Variants in KHDC1 observed in about 807,000 individuals in gnomAD.
KHDC1 encodes KH domain containing 1, also known as KH homology domain-containing protein 1.
A neutral mutation model predicts 24.7 loss-of-function variants in KHDC1; 21 were observed. The observed-to-expected ratio is 0.85, with a 90% CI of 0.60 to 1.23. The LOEUF (loss-of-function observed/expected upper bound fraction) is 1.23, where lower values mean the gene tolerates loss of function less well. Ranked by LOEUF, KHDC1 falls within the 50% of genes most tolerant of loss-of-function variation. KHDC1 has a pLI of 0.00. For missense variants in KHDC1, 274 were observed against 298.5 expected, an observed-to-expected ratio of 0.92 and a Z score of 0.61; for synonymous variants, 98 against 111.7, an observed-to-expected ratio of 0.88 and a Z score of 0.77.
At chr6:73,265,524 G>A (rs1394595051) in intron 2 of KHDC1, among the ~76,000 whole-genome samples, 8 of 72,012 alleles carry the variant, frequency 1.1e-4, no homozygotes, top group African/African-American at 2.8e-4. Flanking sequence ...GCGAGACTCC[G>A]TCTCAAAAAA....
intron 1 of KHDC1, among the ~76,000 whole-genome samples, chr6:73,298,338 T>C (rs894060459): frequency 2.0e-5 from 3 of 151,610 alleles, no homozygotes; most frequent in Non-Finnish European, 4.4e-5. Flanking sequence ...CTCAATCCCA[T>C]TTTCCTTGGC....
intron 2 of KHDC1, among the ~76,000 whole-genome samples, chr6:73,260,797 C>A (rs929242146): frequency 2.0e-5 from 3 of 152,160 alleles, no homozygotes; most frequent in Non-Finnish European, 4.4e-5. Context: ...GCTTTGCATG[C>A]CAGCATCACT....
intron 2 of KHDC1, among the ~76,000 whole-genome samples, chr6:73,281,575 C>T (rs1406223298): frequency 6.6e-6 from 1 of 150,568 alleles, no homozygotes; most frequent in Non-Finnish European, 1.5e-5. Flanking sequence ...CAAGATCGCG[C>T]CATTGCACTC....
chr6:73,267,297 T>A (rs1767091957), intron 2 of KHDC1, among the ~76,000 whole-genome samples: 1 of 152,032 alleles, frequency 6.6e-6, no homozygotes, highest in African/African-American at 2.4e-5. Flanking sequence ...CTGGCCAACA[T>A]GGCAAAACCC....
intron 2 of KHDC1, among the ~76,000 whole-genome samples, chr6:73,250,246 A>C (rs1241338544): frequency 3.9e-5 from 6 of 152,180 alleles, no homozygotes; most frequent in South Asian, 2.1e-4. Context: ...ACATCAATTT[A>C]ATTCCAGGTG....
intron 2 of KHDC1, among the ~76,000 whole-genome samples, chr6:73,278,817 C>T (rs1039496149): frequency 2.0e-5 from 3 of 152,186 alleles, no homozygotes; most frequent in Non-Finnish European, 4.4e-5. Flanking sequence ...CTGGCATCCA[C>T]TGGAGGTCTT....
chr6:73,263,039 GGGCGGC>G (rs544476875), intron 2 of KHDC1: 58 of 965,786 alleles, frequency 6.0e-5, no homozygotes, highest in East Asian at 5.2e-4. Flanking sequence ...TCCCTGAGTA[GGGCGGC>G]GGCGGCGGCG....
At chr6:73,248,943 CAAAAAA>C (rs36010850) in intron 2 of KHDC1, among the ~76,000 whole-genome samples, 1 of 137,440 alleles carries the variant, frequency 7.3e-6, no homozygotes, top group African/African-American at 2.7e-5. Context: ...TGTTGGGAGT[CAAAAAA>C]AAAAAAAAGA....
intron 1 of KHDC1, among the ~76,000 whole-genome samples, chr6:73,305,951 G>A (rs983169165): frequency 6.6e-6 from 1 of 152,092 alleles, no homozygotes; most frequent in Admixed American, 6.6e-5. Context: ...GAGCCACCAC[G>A]CCTGGCCTCT....
intron 4 of KHDC1, 111 bp from the exon 4 acceptor site, chr6:73,241,839 C>A (rs1469655422): frequency 8.8e-6 from 11 of 1,245,272 alleles, no homozygotes; most frequent in Non-Finnish European, 1.2e-5. Flanking sequence ...CAGCCCAGAC[C>A]TTCCAAGGTA....
In KHDC1 at chr6:73,290,106, C is replaced by CAAAAAAAA. The variant is rs140342387; in HGVS notation, c.206+1884_206+1891dup. ...TGGGCAACAGAGCGAGACTCCGTCT[C>CAAAAAAAA]AAAAAAAAAAAAAAAAAAAAATTAG... On this transcript the variant is annotated intron_variant, in intron 2 of 4. Coordinates refer to ENST00000370384, the Ensembl canonical transcript of KHDC1. Among the ~76,000 whole-genome samples the CAAAAAAAA allele has an allele frequency of 9.0e-4, 78 of 86,430 alleles. 1 individual carries two copies. Among genetic ancestry groups the CAAAAAAAA allele is most frequent in the African/African-American group, 2.7e-3 (52 of 19,460 alleles). 56.7% of individuals were successfully genotyped at this position (86,430 alleles called of 152,430 possible).
intron 2 of KHDC1, chr6:73,263,180 C>T (rs1349475563): frequency 6.1e-6 from 6 of 987,434 alleles, no homozygotes; most frequent in Non-Finnish European, 7.2e-6. Context: ...CCGCGCGAGG[C>T]GCGCTCGAGC....
intron 2 of KHDC1, among the ~76,000 whole-genome samples, chr6:73,278,285 G>A (rs1209294721): frequency 1.3e-5 from 2 of 151,614 alleles, no homozygotes; most frequent in African/African-American, 2.4e-5. Context: ...CCAAAATGCT[G>A]GGATTACAGG....
intron 2 of KHDC1, among the ~76,000 whole-genome samples, chr6:73,291,663 A>G (rs1226071060): frequency 1.3e-5 from 2 of 151,594 alleles, no homozygotes; most frequent in Non-Finnish European, 2.9e-5. Context: ...GCAGTGGTGT[A>G]TGGTTGCTAA....
chr6:73,279,050 G>A (rs1427894470), intron 2 of KHDC1, among the ~76,000 whole-genome samples: 1 of 152,182 alleles, frequency 6.6e-6, no homozygotes, highest in East Asian at 1.9e-4. Context: ...ATGATTGACT[G>A]TTACAGTGAT....
At chr6:73,265,893 C>T (rs1767072235) in intron 2 of KHDC1, among the ~76,000 whole-genome samples, 1 of 152,044 alleles carries the variant, frequency 6.6e-6, no homozygotes, top group Admixed American at 6.6e-5. Flanking sequence ...TTGAGACCAG[C>T]CTGGGCAACA....
rs550947782 is a variant in KHDC1 at position 73,261,163 on chromosome 6, C to A, written c.207-18633G>T. Among the ~76,000 whole-genome samples, 244 of 152,192 alleles carry A rather than the reference C, an allele frequency of 1.6e-3. 1 individual carries two copies. Among genetic ancestry groups the A allele is most frequent in the Non-Finnish European group, 2.6e-3 (174 of 68,034 alleles). ...ATAGTGTGGTGATTAGAAGCATAGG[C>A]CAGGCATGGTGGCTCACACCTGTAA... On this transcript the variant is annotated intron_variant, in intron 2 of 4. Transcript: ENST00000370384.
At chr6:73,254,480 A>G (rs1398053018) in intron 2 of KHDC1, among the ~76,000 whole-genome samples, 1 of 138,826 alleles carries the variant, frequency 7.2e-6, no homozygotes, top group Admixed American at 7.0e-5. Flanking sequence ...ATAAATAAAT[A>G]AATAAATAAA....
chr6:73,285,914 C>A (rs1336495426), intron 2 of KHDC1, among the ~76,000 whole-genome samples: 1 of 152,130 alleles, frequency 6.6e-6, no homozygotes, highest in Non-Finnish European at 1.5e-5. Context: ...AACTCCATCC[C>A]CAGCTTGTTC....
Sources: allele counts gnomAD v4.1 joint callset (sites outside exome capture counted in the v4.1 genomes callset), GRCh38; gene constraint gnomAD v4.1.1; transcripts MANE v1.5; gene names NCBI Gene and HGNC (gene_info 2026-07-23, HGNC 2026-07-21).